SPTLC2: variants seen among roughly 807,000 people sequenced by gnomAD.
SPTLC2 encodes serine palmitoyltransferase long chain base subunit 2, also known as serine palmitoyltransferase 2.
A neutral mutation model predicts 62.0 loss-of-function variants in SPTLC2; 21 were observed. That is an observed-to-expected ratio of 0.34 (90% CI 0.24 to 0.49). SPTLC2 has a LOEUF of 0.49. Ranked by LOEUF, SPTLC2 falls within the 20% of genes least tolerant of loss-of-function variation. SPTLC2 has a pLI of 0.99. For synonymous variants in SPTLC2, 261 were observed against 261.8 expected, an observed-to-expected ratio of 1.00 and a Z score of 0.03; for missense variants, 511 against 713.0, an observed-to-expected ratio of 0.72 and a Z score of 3.23.
At chr14:77,603,700 C>A (rs546996468) in intron 1 of SPTLC2, among the ~76,000 whole-genome samples, 29 of 152,218 alleles carry the variant, frequency 1.9e-4, no homozygotes, top group African/African-American at 7.0e-4. Context: ...TTGACATTAC[C>A]ATTTTGCTAT....
intron 9 of SPTLC2, among the ~76,000 whole-genome samples, chr14:77,532,568 A>G (rs1025126243): frequency 6.6e-6 from 1 of 151,450 alleles, no homozygotes; most frequent in Non-Finnish European, 1.5e-5. Context: ...GTGGATCACG[A>G]GGTCAGGAGA....
intron 9 of SPTLC2, among the ~76,000 whole-genome samples, chr14:77,543,294 C>G (rs2079511230): frequency 6.6e-6 from 1 of 152,154 alleles, no homozygotes; most frequent in Non-Finnish European, 1.5e-5. Context: ...CTCGAGTGAT[C>G]CGCCCACCTT....
chr14:77,562,680 T>C (rs563192587), intron 5 of SPTLC2, among the ~76,000 whole-genome samples, 191 bp from the exon 6 acceptor site: 2 of 152,346 alleles, frequency 1.3e-5, no homozygotes, highest in East Asian at 1.9e-4. Context: ...ACCTTAAAAG[T>C]AGATGCAAAA....
At chr14:77,516,592 G>C (rs1254002498) in intron 11 of SPTLC2, among the ~76,000 whole-genome samples, 1 of 151,944 alleles carries the variant, frequency 6.6e-6, no homozygotes, top group East Asian at 1.9e-4. Context: ...TCTGAGAAAT[G>C]AGAAAAATCC....
intron 3 of SPTLC2, 91 bp from the exon 4 acceptor site, chr14:77,577,006 G>T: frequency 6.9e-7 from 1 of 1,450,062 alleles, no homozygotes; most frequent in Non-Finnish European, 9.6e-7. Flanking sequence ...AAAGGAAGCA[G>T]AGAGAACAAA....
At chr14:77,519,149 C>G (rs1485515504) in intron 10 of SPTLC2, among the ~76,000 whole-genome samples, 1 of 152,172 alleles carries the variant, frequency 6.6e-6, no homozygotes, top group African/African-American at 2.4e-5. Context: ...TAGCAATTCT[C>G]CTGCCTCAGC....
chr14:77,548,104 A>G (rs1435175710), intron 9 of SPTLC2, among the ~76,000 whole-genome samples: 1 of 152,204 alleles, frequency 6.6e-6, no homozygotes, highest in African/African-American at 2.4e-5. Flanking sequence ...AAAACAAAGA[A>G]GTACAAAACT....
intron 9 of SPTLC2, among the ~76,000 whole-genome samples, chr14:77,542,011 T>C (rs1299599071): frequency 1.3e-5 from 2 of 150,152 alleles, no homozygotes; most frequent in Non-Finnish European, 3.0e-5. Context: ...GAGCCAAGAT[T>C]GTGCCACTGC....
In SPTLC2 at chr14:77,555,957, G is replaced by A. The variant is rs549452621; in HGVS notation, c.957-438C>T. On this transcript the variant is annotated intron_variant, in intron 7 of 11. Coordinates refer to ENST00000216484, the MANE Select transcript of SPTLC2 (RefSeq NM_004863.4). The stretch of plus-strand genomic sequence containing the variant: ...TTTAAATGGTCTGACAACTGTATCT[G>A]TGGCTTAAACTGACAAAGGTAGATG... Among the ~76,000 whole-genome samples the A allele has an allele frequency of 2.1e-4, 32 of 152,232 alleles. No individual in the cohort carries two copies. In the East Asian group the frequency reaches 6.2e-3, roughly 29 times the overall value.
At chr14:77,561,545 A>G (rs1341380940) in intron 6 of SPTLC2, among the ~76,000 whole-genome samples, 2 of 151,656 alleles carry the variant, frequency 1.3e-5, no homozygotes, top group African/African-American at 4.9e-5. Context: ...CGGGAGGCAG[A>G]GGTTGCAGTG....
At chr14:77,579,477 G>A (rs541865849) in intron 2 of SPTLC2, among the ~76,000 whole-genome samples, 9 of 152,298 alleles carry the variant, frequency 5.9e-5, no homozygotes, top group African/African-American at 2.2e-4. Flanking sequence ...GGACAGGCTT[G>A]GTGGCTCACG....
rs762906175 is a variant in SPTLC2, at chr14:77,509,662, T to G, written c.*2622A>C. 1.3e-4 allele frequency: 48 copies of G among 381,458 alleles called. 1 individual carries two copies. Among genetic ancestry groups the G allele is most frequent in the Non-Finnish European group, 1.9e-4 (41 of 215,850 alleles). The allele number at this position is 381,458 out of a possible 1,614,324, so 23.6% of individuals were successfully genotyped here. ...ATGACTGTATTTATATATACTTGTA[T>G]TCCTCCAAGTACTTGGATAAATGAT... On this transcript the variant is annotated 3_prime_UTR_variant, in exon 12 of 12. Coordinates refer to ENST00000216484, the MANE Select transcript of SPTLC2 (RefSeq NM_004863.4).
At chr14:77,525,063 A>T (rs1278855261) in intron 9 of SPTLC2, among the ~76,000 whole-genome samples, 1 of 152,224 alleles carries the variant, frequency 6.6e-6, no homozygotes, top group Non-Finnish European at 1.5e-5. Flanking sequence ...CTCTGATTTG[A>T]TCAGAATATT....
chr14:77,531,484 T>TCCC (rs2079439755), intron 9 of SPTLC2, among the ~76,000 whole-genome samples: 9 of 86,796 alleles, frequency 1.0e-4, no homozygotes, highest in South Asian at 4.5e-4. Context: ...CCCCTCCCCC[T>TCCC]CCTCCTCCTC....
At chr14:77,609,156 T>C (rs139540809) in intron 1 of SPTLC2, among the ~76,000 whole-genome samples, 1,877 of 152,120 alleles carry the variant, frequency 0.012, 20 homozygotes, top group Non-Finnish European at 0.02. Context: ...AGATCTGACA[T>C]GTTTAAGTAG....
At chr14:77,546,356 A>G (rs915093804) in intron 9 of SPTLC2, among the ~76,000 whole-genome samples, 1 of 152,248 alleles carries the variant, frequency 6.6e-6, no homozygotes, top group Non-Finnish European at 1.5e-5. Flanking sequence ...TTGATTGCTG[A>G]TAATTTACTA....
intron 5 of SPTLC2, among the ~76,000 whole-genome samples, chr14:77,563,383 G>A (rs994045303): frequency 2.0e-5 from 3 of 152,102 alleles, no homozygotes. Flanking sequence ...TGTGGGACCT[G>A]CAGGCCCTCC....
chr14:77,606,204 C>T (rs762746137), intron 1 of SPTLC2, among the ~76,000 whole-genome samples: 14 of 152,212 alleles, frequency 9.2e-5, no homozygotes, highest in Middle Eastern at 3.2e-3. Flanking sequence ...GTGGCGCACG[C>T]CCATAATCCC....
At chr14:77,603,944 A>T (rs2079891236) in intron 1 of SPTLC2, among the ~76,000 whole-genome samples, 1 of 152,188 alleles carries the variant, frequency 6.6e-6, no homozygotes, top group African/African-American at 2.4e-5. Flanking sequence ...CTGCATCTTC[A>T]TCTGAGTTCT....
Sources: allele counts gnomAD v4.1 joint callset (sites outside exome capture counted in the v4.1 genomes callset), GRCh38; gene constraint gnomAD v4.1.1; transcripts MANE v1.5; gene names NCBI Gene and HGNC (gene_info 2026-07-23, HGNC 2026-07-21).